MEF2A: variants seen among roughly 807,000 people sequenced by gnomAD.
The protein encoded by MEF2A is myocyte enhancer factor 2A.
A neutral mutation model predicts 55.8 loss-of-function variants in MEF2A; 28 were observed. The ratio of observed to expected loss-of-function variants is 0.50; its 90% CI spans 0.37 to 0.69. MEF2A has a LOEUF of 0.69. Ranked by LOEUF, MEF2A falls within the 30% of genes least tolerant of loss-of-function variation. The pLI, the probability that MEF2A is intolerant of heterozygous loss-of-function variation, is 0.00. For synonymous variants in MEF2A, 239 were observed against 227.1 expected (o/e 1.05, Z -0.47); for missense variants, 528 against 626.2 (o/e 0.84, Z 1.67).
intron 1 of MEF2A, among the ~76,000 whole-genome samples, chr15:99,597,801 A>T (rs983221550): frequency 5.3e-5 from 8 of 152,174 alleles, no homozygotes; most frequent in Admixed American, 5.2e-4. Context: ...AAGAACCTAC[A>T]TGAATATTGG....
At position 99,712,838 on chromosome 15, in the gene MEF2A, A is replaced by G. The variant is rs565733113; in HGVS notation, c.*67A>G. 1 of 1,461,596 alleles carries G rather than the reference A, an allele frequency of 6.8e-7. No homozygotes were observed. The highest frequency in any genetic ancestry group is 1.3e-5 in the South Asian group (1 of 75,456). The allele number at this position is 1,461,596 out of a possible 1,614,324, so 90.5% of individuals were successfully genotyped here. A position where few individuals can be genotyped will look rare whatever the true frequency, so the allele number is the denominator to read the frequency against. The stretch of plus-strand genomic sequence containing the variant: ...ACCTGCCCTACATATCTAAATCGGT[A>G]AATAAGGACATGAGTTAAATATATT... On this transcript the variant is annotated 3_prime_UTR_variant, in exon 12 of 12. Coordinates refer to ENST00000557942, the MANE Select transcript of MEF2A (RefSeq NM_001319206.4). The surrounding 1 kb of genome is among the most constrained non-coding windows in gnomAD (Gnocchi z 4.1).
intron 1 of MEF2A, among the ~76,000 whole-genome samples, chr15:99,571,320 G>A (rs905149248): frequency 6.6e-6 from 1 of 152,144 alleles, no homozygotes; most frequent in Non-Finnish European, 1.5e-5. Context: ...GAGGCTTAGT[G>A]TATAAAATAG....
chr15:99,714,408 T>G lies in MEF2A; in HGVS notation c.*1637T>G, dbSNP rs992964441. ...TCATGGGGAAAGGGATCTTTTTTCC[T>G]TGACCCTCTGAAAACAGAACGATGC... is the stretch of plus-strand genomic sequence containing the variant. On this transcript the variant is annotated 3_prime_UTR_variant, in exon 12 of 12. Coordinates refer to ENST00000557942, the MANE Select transcript of MEF2A (RefSeq NM_001319206.4). 2 of 152,238 alleles carry G rather than the reference T, an allele frequency of 1.3e-5. No individual in the cohort carries two copies. The highest frequency in any genetic ancestry group is 4.1e-4 in the South Asian group (2 of 4,834). 9.4% of individuals were successfully genotyped at this position (152,238 alleles called of 1,614,324 possible). A position where few individuals can be genotyped will look rare whatever the true frequency, so the allele number is the denominator to read the frequency against.
intron 4 of MEF2A, among the ~76,000 whole-genome samples, chr15:99,670,535 A>T (rs2050663871): frequency 6.6e-6 from 1 of 152,120 alleles, no homozygotes. Context: ...GCATGAACCC[A>T]GGAGGCGGAG....
chr15:99,628,962 G>A (rs2042472978), intron 2 of MEF2A, among the ~76,000 whole-genome samples: 1 of 125,020 alleles, frequency 8.0e-6, no homozygotes, highest in South Asian at 2.6e-4. Flanking sequence ...ATTTCAGAAG[G>A]ATTTTTTTTT....
intron 2 of MEF2A, chr15:99,620,998 C>G (rs1262616688): frequency 2.0e-5 from 3 of 152,070 alleles, no homozygotes; most frequent in Non-Finnish European, 4.4e-5. Flanking sequence ...GCGCCTGCCA[C>G]CATGCCTGGC....
chr15:99,653,948 T>C (rs760297938), intron 4 of MEF2A, among the ~76,000 whole-genome samples: 1 of 152,102 alleles, frequency 6.6e-6, no homozygotes, highest in Non-Finnish European at 1.5e-5. Context: ...ATGTTTATGC[T>C]CTGAAAAAAG....
intron 4 of MEF2A, among the ~76,000 whole-genome samples, chr15:99,671,117 T>G (rs1308910076): frequency 6.6e-6 from 1 of 152,246 alleles, no homozygotes; most frequent in African/African-American, 2.4e-5. Context: ...TCCTTTTCTC[T>G]TAACATACAA....
At chr15:99,582,510 T>G (rs756388669) in intron 1 of MEF2A, among the ~76,000 whole-genome samples, 1 of 152,116 alleles carries the variant, frequency 6.6e-6, no homozygotes, top group Non-Finnish European at 1.5e-5. Context: ...ACTAAGGTAA[T>G]AGATGTATAC....
At chr15:99,699,952 ATGTGTGTG>A (rs752346994) in intron 8 of MEF2A, among the ~76,000 whole-genome samples, 2 of 130,580 alleles carry the variant, frequency 1.5e-5, no homozygotes, top group African/African-American at 5.8e-5. Context: ...AAGAGTTTAT[ATGTGTGTG>A]TGTGTGTGTG....
At chr15:99,565,902 G>C (rs1273764886), upstream of MEF2A, 1 of 153,114 alleles carries the variant, frequency 6.5e-6, no homozygotes, top group South Asian at 2.1e-4. Flanking sequence ...CACCGAGGCG[G>C]CGGAGGTAGT....
intron 7 of MEF2A, among the ~76,000 whole-genome samples, chr15:99,686,653 T>G (rs1394728293): frequency 3.3e-5 from 5 of 152,230 alleles, no homozygotes; most frequent in African/African-American, 1.2e-4. Flanking sequence ...CTTAAGATTC[T>G]TCCCTTTGTC....
At chr15:99,688,698 A>T (rs904973036) in intron 7 of MEF2A, among the ~76,000 whole-genome samples, 1 of 152,306 alleles carries the variant, frequency 6.6e-6, no homozygotes, top group East Asian at 1.9e-4. Context: ...TGGAGCTTGC[A>T]GTGAGCCGAG....
chr15:99,697,051 AT>A lies in MEF2A; in HGVS notation c.859-6308del, dbSNP rs555551711. 6.2e-5 allele frequency among the ~76,000 whole-genome samples: 5 copies of A among 81,204 alleles called. No homozygotes were observed. The South Asian group carries it at 2.3e-3, about 37-fold the overall frequency. The allele number at this position is 81,204 out of a possible 152,430, so 53.3% of individuals were successfully genotyped here. On this transcript the variant is annotated intron_variant, in intron 8 of 11. Transcript: ENST00000557942. ...ATTAACAATTGAACATCTATTCATC[AT>A]TTAAAAAAAAAAATCTCAATGAACT...
chr15:99,670,473 G>A (rs903940189), intron 4 of MEF2A, among the ~76,000 whole-genome samples: 11 of 152,248 alleles, frequency 7.2e-5, no homozygotes, highest in African/African-American at 2.6e-4. Flanking sequence ...AGCCGGGCGT[G>A]GTGGCGGGCG....
At chr15:99,611,861 T>A (rs1303702112) in intron 2 of MEF2A, among the ~76,000 whole-genome samples, 1 of 152,214 alleles carries the variant, frequency 6.6e-6, no homozygotes, top group Non-Finnish European at 1.5e-5. Context: ...TACTGATTAA[T>A]GTTATAACCC....
chr15:99,706,043 T>C (rs2058002281), intron 9 of MEF2A, among the ~76,000 whole-genome samples: 1 of 152,238 alleles, frequency 6.6e-6, no homozygotes, highest in Non-Finnish European at 1.5e-5. Context: ...CCAGCATGGA[T>C]AGGATGCTAC....
intron 5 of MEF2A, among the ~76,000 whole-genome samples, chr15:99,671,950 G>A (rs2050956030): frequency 6.6e-6 from 1 of 152,136 alleles, no homozygotes; most frequent in South Asian, 2.1e-4. Context: ...CATCTATAGT[G>A]AGTTGGCTCT....
chr15:99,608,341 A>T (rs907951050), intron 2 of MEF2A, among the ~76,000 whole-genome samples: 1 of 152,242 alleles, frequency 6.6e-6, no homozygotes, highest in Non-Finnish European at 1.5e-5. Context: ...CACTAATAGT[A>T]ACAGGCTGTA....
Sources: allele counts gnomAD v4.1 joint callset (sites outside exome capture counted in the v4.1 genomes callset), GRCh38; gene constraint gnomAD v4.1.1; non-coding constraint Gnocchi (gnomAD v3.1); transcripts MANE v1.5; gene names NCBI Gene and HGNC (gene_info 2026-07-23, HGNC 2026-07-21).